The following SGCG variants were observed in gnomAD, a reference collection of about 807,000 sequenced individuals.
SGCG encodes the protein gamma-sarcoglycan.
A neutral mutation model predicts 29.3 loss-of-function variants in SGCG; 26 were observed. The ratio of observed to expected loss-of-function variants is 0.89; its 90% CI spans 0.65 to 1.23. The LOEUF is 1.23. Among genes scored for constraint, SGCG ranks in the 50% most tolerant of loss-of-function variants. SGCG has a pLI of 0.00. For missense variants in SGCG, 353 were observed against 356.0 expected, an observed-to-expected ratio of 0.99 and a Z score of 0.07; for synonymous variants, 145 against 129.7, an observed-to-expected ratio of 1.12 and a Z score of -0.80.
intron 6 of SGCG, among the ~76,000 whole-genome samples, chr13:23,317,807 G>C (rs2137522668): frequency 6.6e-6 from 1 of 152,130 alleles, no homozygotes; most frequent in Middle Eastern, 3.4e-3. Context: ...TTCAAGGGGT[G>C]GACTTGTGAT....
At chr13:23,169,198 T>C in the SGCG span, among the ~76,000 whole-genome samples, 2 of 152,076 alleles carry the variant, frequency 1.3e-5, no homozygotes, top group East Asian at 1.9e-4. Flanking sequence ...TCCTCATTCA[T>C]GTGAGCCAAC....
At chr13:23,246,652 C>A in intron 3 of SGCG, 1 of 217,704 alleles carries the variant, frequency 4.6e-6, no homozygotes, top group Admixed American at 4.1e-5. Context: ...CCTTACAACA[C>A]CCCAAGTCTG....
chr13:23,198,699 A>G (rs1877614445), intron 1 of SGCG, among the ~76,000 whole-genome samples: 1 of 151,926 alleles, frequency 6.6e-6, no homozygotes, highest in African/African-American at 2.4e-5. Flanking sequence ...ATAAAAAATT[A>G]GCTGGATGTG....
At chr13:23,277,947 C>G (rs1881152788) in intron 4 of SGCG, among the ~76,000 whole-genome samples, 1 of 151,978 alleles carries the variant, frequency 6.6e-6, no homozygotes, top group South Asian at 2.1e-4. Context: ...ATCCGCCTGC[C>G]TCGGCCTCCC....
At position 23,297,231 on chromosome 13, in the gene SGCG, T is replaced by TTTA. The variant is rs200338314; in HGVS notation, c.578+1746_578+1747insATT. Among the ~76,000 whole-genome samples the TTTA allele has an allele frequency of 0.046, 2,452 of 53,210 alleles. 243 individuals are homozygous for TTTA. The East Asian group carries it at 0.53, about 11-fold the overall frequency. 34.9% of individuals were successfully genotyped at this position (53,210 alleles called of 152,430 possible). On this transcript the variant is annotated intron_variant, in intron 6 of 7. Transcript: ENST00000218867. ...AAAGTCAAACACAGACAATCTTTTA[T>TTTA]TTTTTTTTTTTTTGAGATGGAATTT... is the stretch of plus-strand genomic sequence containing the variant.
chr13:23,223,990 C>T (rs959656961), intron 2 of SGCG, among the ~76,000 whole-genome samples: 2 of 152,042 alleles, frequency 1.3e-5, no homozygotes, highest in Non-Finnish European at 2.9e-5. Flanking sequence ...GAGGGAGATT[C>T]AATCAAAGGT....
At chr13:23,168,989 T>C in the SGCG span, among the ~76,000 whole-genome samples, 1 of 151,988 alleles carries the variant, frequency 6.6e-6, no homozygotes, top group African/African-American at 2.4e-5. Flanking sequence ...CTTAGATTTG[T>C]TGAGATACAG....
chr13:23,211,814 T>G (rs528986383), intron 2 of SGCG, among the ~76,000 whole-genome samples: 1 of 152,268 alleles, frequency 6.6e-6, no homozygotes, highest in Admixed American at 6.5e-5. Context: ...TCTCTCTATC[T>G]AGAGCATCCA....
intron 6 of SGCG, among the ~76,000 whole-genome samples, chr13:23,300,675 T>G (rs1462873074): frequency 6.6e-6 from 1 of 151,824 alleles, no homozygotes; most frequent in Non-Finnish European, 1.5e-5. Flanking sequence ...AAATTAACAG[T>G]AAAAACTGCA....
chr13:23,320,550 ATTTCCC>A, intron 6 of SGCG, 81 bp from the exon 7 acceptor site: 1 of 1,144,248 alleles, frequency 8.7e-7, no homozygotes, highest in South Asian at 1.4e-5. Context: ...TACTAGTTAT[ATTTCCC>A]ATGCTAAGTT....
intron 6 of SGCG, 119 bp from the exon 7 acceptor site, chr13:23,320,518 T>C (rs751545805): frequency 4.2e-5 from 34 of 816,910 alleles, no homozygotes; most frequent in Non-Finnish European, 6.5e-5. Flanking sequence ...CATTTGAGAA[T>C]GACTTGAAGA....
chr13:23,256,875 A>G (rs1247436855), intron 4 of SGCG, among the ~76,000 whole-genome samples: 2 of 152,146 alleles, frequency 1.3e-5, no homozygotes, highest in African/African-American at 4.8e-5. Context: ...ATGACTTACA[A>G]TCTTTTGGGT....
rs542098224 is a variant in SGCG, at chr13:23,304,502, T to C, written c.578+9015T>C. Among the ~76,000 whole-genome samples the C allele has an allele frequency of 6.8e-4, 103 of 152,230 alleles. 1 individual carries two copies. In the Middle Eastern group the frequency reaches 0.017, roughly 25 times the overall value. Reference sequence around the variant, plus strand: ...AATACAACCTTTACCACCAAATGTCTCTATACACTTGGGGCTGTTCCTGCA... The same window carrying C: ...AATACAACCTTTACCACCAAATGTCCCTATACACTTGGGGCTGTTCCTGCA... On this transcript the variant is annotated intron_variant, in intron 6 of 7. Coordinates refer to ENST00000218867, the MANE Select transcript of SGCG (RefSeq NM_000231.3).
At chr13:23,258,373 C>T (rs12864376) in intron 4 of SGCG, among the ~76,000 whole-genome samples, 12,859 of 151,898 alleles carry the variant, frequency 0.085, 706 homozygotes, top group South Asian at 0.14. Flanking sequence ...TATAGGGATG[C>T]TCGTGATTTT....
At chr13:23,269,056 T>C (rs898630877) in intron 4 of SGCG, 1 of 152,174 alleles carries the variant, frequency 6.6e-6, no homozygotes, top group African/African-American at 2.4e-5. Context: ...TAATGTATTA[T>C]AGCCAGAATG....
intron 6 of SGCG, among the ~76,000 whole-genome samples, chr13:23,313,300 G>A (rs978126071): frequency 1.3e-5 from 2 of 152,052 alleles, no homozygotes; most frequent in African/African-American, 2.4e-5. Flanking sequence ...AGGTAGCTGG[G>A]ATTACAGGCA....
chr13:23,223,869 G>C (rs761480215), intron 2 of SGCG, among the ~76,000 whole-genome samples: 1 of 152,162 alleles, frequency 6.6e-6, no homozygotes, highest in Non-Finnish European at 1.5e-5. Context: ...GGGAGGCTGA[G>C]GCAAGAGAAT....
chr13:23,192,725 A>C (rs1877327489), intron 1 of SGCG, among the ~76,000 whole-genome samples: 1 of 152,192 alleles, frequency 6.6e-6, no homozygotes, highest in South Asian at 2.1e-4. Flanking sequence ...AACAGTTATG[A>C]GAGATGTATG....
intron 4 of SGCG, chr13:23,267,541 TAAG>T (rs1215600183): frequency 2.6e-5 from 4 of 152,258 alleles, no homozygotes; most frequent in Admixed American, 6.5e-5. Context: ...TCCTTTGAAA[TAAG>T]AATCACAGCA....
Sources: gnomAD v4.1 joint callset for allele counts (sites outside exome capture counted in the v4.1 genomes callset) on GRCh38, gnomAD v4.1.1 for gene constraint, MANE v1.5 for transcripts, NCBI Gene and HGNC (gene_info 2026-07-23, HGNC 2026-07-21) for gene names.